The following GLP2R variants were observed in gnomAD, a reference collection of about 807,000 sequenced individuals.
The protein encoded by GLP2R is glucagon-like peptide 2 receptor.
Under a neutral mutation model 68.2 loss-of-function variants are expected in GLP2R, and 59 were observed. The observed-to-expected ratio is 0.87, with a 90% CI of 0.70 to 1.07. The LOEUF (loss-of-function observed/expected upper bound fraction) is 1.07. GLP2R is among the 50% of genes least tolerant of loss of function. The probability of loss-of-function intolerance (pLI) is 0.00; values close to 1 mark genes in which losing one functional copy is unlikely to be tolerated. For missense variants in GLP2R, 548 were observed against 677.4 expected, an observed-to-expected ratio of 0.81 and a Z score of 2.12; for synonymous variants, 270 against 265.4, an observed-to-expected ratio of 1.02 and a Z score of -0.17.
At chr17:9,878,785 A>AAGCTATTG (rs2067163510) in intron 10 of GLP2R, among the ~76,000 whole-genome samples, 1 of 152,146 alleles carries the variant, frequency 6.6e-6, no homozygotes. Context: ...GATTCATAGT[A>AAGCTATTG]AGCTCTTGTT....
intron 1 of GLP2R, among the ~76,000 whole-genome samples, chr17:9,829,217 C>T (rs1299101708): frequency 1.3e-5 from 2 of 152,106 alleles, no homozygotes; most frequent in Non-Finnish European, 2.9e-5. Flanking sequence ...TTAGCAGTTG[C>T]TTTGGCATCA....
chr17:9,887,727 G>C (rs150499767), intron 11 of GLP2R, among the ~76,000 whole-genome samples: 1 of 152,152 alleles, frequency 6.6e-6, no homozygotes, highest in South Asian at 2.1e-4. Context: ...CGGGCGGGGC[G>C]CTGGATGTCA....
Position 9,842,546 on chromosome 17 carries a change from C to G in GLP2R, c.434C>G (p.Thr145Arg), listed in dbSNP as rs751402894. 6.2e-6 allele frequency: 10 copies of G among 1,614,070 alleles called. No individual in the cohort carries two copies. The highest frequency in any genetic ancestry group is 8.5e-6 in the Non-Finnish European group (10 of 1,179,982). ...RHCLAQGTWQ[T>R]IENATDIWQD... Reference sequence around the variant, plus strand: ...TGCTTGGCTCAGGGGACTTGGCAGACGATAGAGAACGCCACGGATATTTGG... The same window carrying G: ...TGCTTGGCTCAGGGGACTTGGCAGAGGATAGAGAACGCCACGGATATTTGG... Residue 145 changes from threonine (T) to arginine (R), a missense_variant, in exon 4 of 13, where the codon ACG (threonine) becomes AGG (arginine). Coordinates refer to ENST00000262441, the MANE Select transcript of GLP2R (RefSeq NM_004246.3).
intron 11 of GLP2R, among the ~76,000 whole-genome samples, chr17:9,887,504 C>T (rs374059204): frequency 3.9e-5 from 6 of 152,178 alleles, no homozygotes; most frequent in South Asian, 2.1e-4. Flanking sequence ...TCTAGCCTGG[C>T]GACAAGAGTG....
intron 9 of GLP2R, 119 bp from the exon 10 acceptor site, chr17:9,870,628 G>T: frequency 1.4e-6 from 1 of 696,348 alleles, no homozygotes; most frequent in East Asian, 2.5e-5. Flanking sequence ...GCTAACTGCT[G>T]AATTGCCCCT....
chr17:9,853,017 C>G (rs1013042480), intron 4 of GLP2R: 8 of 485,000 alleles, frequency 1.6e-5, no homozygotes, highest in South Asian at 1.3e-4. Flanking sequence ...ACTGTAAGAC[C>G]GTGGGTGGTG....
intron 4 of GLP2R, among the ~76,000 whole-genome samples, chr17:9,850,205 G>A (rs1020417388): frequency 6.6e-6 from 1 of 152,186 alleles, no homozygotes; most frequent in Non-Finnish European, 1.5e-5. Flanking sequence ...GGTACTAAGC[G>A]TGAGCTGGAG....
chr17:9,829,190 A>T (rs1038803660), intron 1 of GLP2R, among the ~76,000 whole-genome samples: 4 of 151,140 alleles, frequency 2.6e-5, no homozygotes, highest in African/African-American at 4.9e-5. Context: ...ACTCTCTCCC[A>T]CACTCGTTTA....
chr17:9,877,894 A>T (rs1030312143), intron 10 of GLP2R, among the ~76,000 whole-genome samples: 2 of 148,980 alleles, frequency 1.3e-5, no homozygotes, highest in Non-Finnish European at 3.0e-5. Flanking sequence ...AAAAAAAAAA[A>T]ACGTTAGGGA....
At chr17:9,869,112 G>T (rs990472684) in intron 9 of GLP2R, among the ~76,000 whole-genome samples, 9 of 152,026 alleles carry the variant, frequency 5.9e-5, no homozygotes, top group African/African-American at 1.9e-4. Flanking sequence ...ATTTCAAATT[G>T]ATCCCTTCCT....
intron 1 of GLP2R, among the ~76,000 whole-genome samples, chr17:9,826,735 A>T (rs796209258): frequency 2.0e-5 from 3 of 152,222 alleles, no homozygotes; most frequent in African/African-American, 7.2e-5. Flanking sequence ...TTGTTTTTTT[A>T]AAATACAATT....
intron 4 of GLP2R, among the ~76,000 whole-genome samples, 194 bp from the exon 5 acceptor site, chr17:9,854,301 T>C (rs1295517491): frequency 6.6e-6 from 1 of 152,220 alleles, no homozygotes; most frequent in African/African-American, 2.4e-5. Context: ...TTGTTAAGGC[T>C]CCTTGGCCTC....
chr17:9,885,610 G>A (rs2152050194), intron 11 of GLP2R, among the ~76,000 whole-genome samples: 1 of 152,084 alleles, frequency 6.6e-6, no homozygotes, highest in South Asian at 2.1e-4. Context: ...ATATCTCACA[G>A]CATGGCGGCT....
chr17:9,858,698 T>C (rs1236567376), intron 6 of GLP2R, among the ~76,000 whole-genome samples: 1 of 152,238 alleles, frequency 6.6e-6, no homozygotes, highest in Non-Finnish European at 1.5e-5. Flanking sequence ...CTATAGCAAA[T>C]GAGTTTTTCT....
rs17676097 is a variant in GLP2R, at chr17:9,888,232, A to G, written c.1326+259A>G. ...TGCTGGAGATGCAAGGAGTATTCAA[A>G]TGTGACAGAGGAAACAAGCTTGAAC... On this transcript the variant is annotated intron_variant, in intron 12 of 12. Coordinates refer to ENST00000262441, the MANE Select transcript of GLP2R (RefSeq NM_004246.3). Among the ~76,000 whole-genome samples the G allele has an allele frequency of 0.21, 31,383 of 152,120 alleles. 4,259 individuals are homozygous for G. The highest frequency in any genetic ancestry group is 0.31 in the Non-Finnish European group (20,921 of 67,970).
chr17:9,851,266 T>C (rs2066889267), intron 4 of GLP2R, among the ~76,000 whole-genome samples: 2 of 151,970 alleles, frequency 1.3e-5, no homozygotes, highest in East Asian at 3.9e-4. Flanking sequence ...ACAGAAATAG[T>C]CAATTTAAAG....
intron 4 of GLP2R, chr17:9,853,125 G>A: frequency 1.9e-6 from 1 of 520,396 alleles, no homozygotes; most frequent in East Asian, 4.5e-5. Context: ...CATTGTCTCT[G>A]CGTCAACAAT....
At chr17:9,839,809 A>G (rs1016996855) in intron 3 of GLP2R, among the ~76,000 whole-genome samples, 4 of 151,920 alleles carry the variant, frequency 2.6e-5, no homozygotes, top group Non-Finnish European at 5.9e-5. Context: ...AGCTCTTGCC[A>G]CTCAGTACCT....
rs936178385 is a variant in GLP2R at position 9,843,539 on chromosome 17, G to A, written c.504+923G>A. On this transcript the variant is annotated intron_variant, in intron 4 of 12. Transcript: ENST00000262441. ...CAGGGTCTACCACAGTAACTGGTCCGCAAGTCCCCATGGCTTCCCAGGAAA... is the reference window on the plus strand; with the variant it reads ...CAGGGTCTACCACAGTAACTGGTCCACAAGTCCCCATGGCTTCCCAGGAAA... Among the ~76,000 whole-genome samples the A allele has an allele frequency of 4.6e-5, 7 of 152,188 alleles. No homozygotes were observed. The South Asian group carries it at 8.3e-4, about 18-fold the overall frequency.
Sources: allele counts gnomAD v4.1 joint callset (sites outside exome capture counted in the v4.1 genomes callset), GRCh38; gene constraint gnomAD v4.1.1; transcripts MANE v1.5; gene names NCBI Gene and HGNC (gene_info 2026-07-23, HGNC 2026-07-21).